DNER: variants seen among roughly 807,000 people sequenced by gnomAD.
DNER encodes the protein delta and Notch-like epidermal growth factor-related receptor.
Under a neutral mutation model 78.2 loss-of-function variants are expected in DNER, and 33 were observed. The observed-to-expected ratio is 0.42, with a 90% CI of 0.32 to 0.56. The LOEUF is 0.56. Among genes scored for constraint, DNER ranks in the 20% least tolerant of loss-of-function variants. The pLI, the probability that DNER is intolerant of heterozygous loss-of-function variation, is 0.11. For missense variants in DNER, 918 were observed against 975.3 expected, an observed-to-expected ratio of 0.94 and a Z score of 0.78; for synonymous variants, 417 against 384.8, an observed-to-expected ratio of 1.08 and a Z score of -0.98.
chr2:229,623,766 C>A (rs1174268376), intron 1 of DNER, among the ~76,000 whole-genome samples: 1 of 152,188 alleles, frequency 6.6e-6, no homozygotes, highest in African/African-American at 2.4e-5. Flanking sequence ...GATATCTGGT[C>A]CCACTGCAGT....
intron 4 of DNER, among the ~76,000 whole-genome samples, chr2:229,551,747 C>T (rs1696741404): frequency 6.6e-6 from 1 of 151,980 alleles, no homozygotes; most frequent in South Asian, 2.1e-4. Flanking sequence ...GCCTGGCCAA[C>T]ATAGTGAAAC....
intron 1 of DNER, among the ~76,000 whole-genome samples, chr2:229,600,214 AG>A (rs1697802335): frequency 6.6e-6 from 1 of 152,232 alleles, no homozygotes. Flanking sequence ...TTGTAAATAA[AG>A]CTTTATTGGA....
At chr2:229,580,509 A>G (rs1002097811) in intron 4 of DNER, among the ~76,000 whole-genome samples, 2 of 152,240 alleles carry the variant, frequency 1.3e-5, no homozygotes, top group Admixed American at 1.3e-4. Context: ...GATTGAAAAA[A>G]TAGTAGGCTA....
chr2:229,605,966 G>C (rs754206705), intron 1 of DNER, among the ~76,000 whole-genome samples: 2 of 152,144 alleles, frequency 1.3e-5, no homozygotes, highest in Middle Eastern at 3.2e-3. Context: ...CAGAAACTTC[G>C]ATGGAAAATT....
At chr2:229,383,289 T>A (rs1417832326) in intron 11 of DNER, among the ~76,000 whole-genome samples, 3 of 152,270 alleles carry the variant, frequency 2.0e-5, no homozygotes, top group Admixed American at 6.5e-5. Flanking sequence ...GAAAAACCAG[T>A]ACCAGCCACT....
At chr2:229,364,013 T>C (rs1204172251) in intron 12 of DNER, among the ~76,000 whole-genome samples, 3 of 124,874 alleles carry the variant, frequency 2.4e-5, no homozygotes, top group South Asian at 5.3e-4. Context: ...TTTTTTTTTT[T>C]CTGAGACAGA....
At chr2:229,462,986 G>A (rs1694733876) in intron 7 of DNER, among the ~76,000 whole-genome samples, 1 of 152,088 alleles carries the variant, frequency 6.6e-6, no homozygotes, top group South Asian at 2.1e-4. Flanking sequence ...GGTCTCTCCT[G>A]ATCGCCTCAT....
Position 229,407,272 on chromosome 2 carries a change from G to T in DNER, c.1683C>A (p.Asp561Glu), listed in dbSNP as rs143193374. The T allele has an allele frequency of 6.2e-7, 1 of 1,613,742 alleles. No homozygotes were observed. The highest frequency in any genetic ancestry group is 8.5e-7 in the Non-Finnish European group (1 of 1,179,684). ...CACAGATGCACGTGCCATTCAGGCC[G>T]TCGCTGTCACAGGTGGCTCCGTTCA... ...SCLNGATCDS[D>E]GLNGTCICAP... Residue 561 changes from aspartate (D) to glutamate (E), a missense_variant, in exon 10 of 13, where the codon GAC (aspartate) becomes GAA (glutamate). Asp to Glu is a conservative substitution (Grantham distance 45). Coordinates refer to ENST00000341772, the MANE Select transcript of DNER (RefSeq NM_139072.4).
At position 229,618,478 on chromosome 2, in the gene DNER, T is replaced by C. The variant is rs538700343; in HGVS notation, c.277-26590A>G. 2.6e-5 allele frequency among the ~76,000 whole-genome samples: 4 copies of C among 152,322 alleles called. No homozygotes were observed. The South Asian group carries it at 8.3e-4, about 32-fold the overall frequency. On this transcript the variant is annotated intron_variant, in intron 1 of 12. Coordinates refer to ENST00000341772, the MANE Select transcript of DNER (RefSeq NM_139072.4). ...CTCCATAATTCTCAACTCAAACTCATGTCTTCATGAAGGCCTATTTCCAAG... is the reference window on the plus strand; with the variant it reads ...CTCCATAATTCTCAACTCAAACTCACGTCTTCATGAAGGCCTATTTCCAAG...
At chr2:229,601,426 G>A (rs75357806) in intron 1 of DNER, among the ~76,000 whole-genome samples, 4,666 of 152,172 alleles carry the variant, frequency 0.031, 217 homozygotes, top group African/African-American at 0.097. Flanking sequence ...TAATAAAAAT[G>A]CTCATTCGCT....
At chr2:229,557,040 A>C (rs1021489598) in intron 4 of DNER, among the ~76,000 whole-genome samples, 5 of 152,228 alleles carry the variant, frequency 3.3e-5, no homozygotes, top group Non-Finnish European at 7.3e-5. Context: ...ATCAAACTGC[A>C]GCTGGGTCAG....
At chr2:229,486,499 TG>T (rs1695278199) in intron 6 of DNER, among the ~76,000 whole-genome samples, 2 of 151,112 alleles carry the variant, frequency 1.3e-5, no homozygotes, top group Admixed American at 6.6e-5. Context: ...GCTTGGGGAG[TG>T]GAAGGTCTGG....
At chr2:229,552,504 G>A (rs889440475) in intron 4 of DNER, among the ~76,000 whole-genome samples, 1 of 152,114 alleles carries the variant, frequency 6.6e-6, no homozygotes, top group Non-Finnish European at 1.5e-5. Flanking sequence ...TCGTGGAAAT[G>A]GTCACCCTCA....
At chr2:229,651,230 C>A (rs1186672867) in intron 1 of DNER, among the ~76,000 whole-genome samples, 3 of 152,202 alleles carry the variant, frequency 2.0e-5, no homozygotes, top group Non-Finnish European at 4.4e-5. Context: ...CAGCAAGCTG[C>A]CCTGCCGCTT....
chr2:229,647,660 A>G (rs934432196), intron 1 of DNER, among the ~76,000 whole-genome samples: 2 of 152,208 alleles, frequency 1.3e-5, no homozygotes, highest in Non-Finnish European at 2.9e-5. Context: ...ATAAATTGGA[A>G]ACAATTTCGA....
intron 6 of DNER, among the ~76,000 whole-genome samples, chr2:229,504,652 A>G (rs1695698468): frequency 6.6e-6 from 1 of 152,252 alleles, no homozygotes; most frequent in Non-Finnish European, 1.5e-5. Flanking sequence ...TTTATTATAA[A>G]GAGATCTTTT....
chr2:229,640,310 C>G (rs1698594879), intron 1 of DNER, among the ~76,000 whole-genome samples: 1 of 152,184 alleles, frequency 6.6e-6, no homozygotes, highest in South Asian at 2.1e-4. Flanking sequence ...GCAATACTTC[C>G]CACTCACGAA....
At chr2:229,530,466 T>C (rs566675126) in intron 5 of DNER, among the ~76,000 whole-genome samples, 63 of 152,298 alleles carry the variant, frequency 4.1e-4, no homozygotes, top group African/African-American at 1.5e-3. Flanking sequence ...ACATATCACA[T>C]AACCACTTCT....
At chr2:229,594,264 A>T (rs1697662653) in intron 1 of DNER, among the ~76,000 whole-genome samples, 1 of 152,216 alleles carries the variant, frequency 6.6e-6, no homozygotes, top group African/African-American at 2.4e-5. Flanking sequence ...ATGGAGAAGG[A>T]TCTTCTGAAT....
Sources: gnomAD v4.1 joint callset for allele counts (sites outside exome capture counted in the v4.1 genomes callset) on GRCh38, gnomAD v4.1.1 for gene constraint, MANE v1.5 for transcripts, NCBI Gene and HGNC (gene_info 2026-07-23, HGNC 2026-07-21) for gene names.